Variants in GREM2 observed in about 807,000 individuals in gnomAD.
GREM2 encodes the protein gremlin 2, DAN family BMP antagonist, also known as gremlin-2.
A neutral mutation model predicts 14.2 loss-of-function variants in GREM2; 11 were observed. That is an observed-to-expected ratio of 0.78 (90% CI 0.49 to 1.28). GREM2 has a LOEUF of 1.28. Ranked by LOEUF, GREM2 falls within the 50% of genes most tolerant of loss-of-function variation. GREM2 has a pLI of 0.00. For synonymous variants in GREM2, 98 were observed against 97.6 expected, an observed-to-expected ratio of 1.00 and a Z score of -0.02; for missense variants, 210 against 218.5, an observed-to-expected ratio of 0.96 and a Z score of 0.24.
intron 1 of GREM2, among the ~76,000 whole-genome samples, chr1:240,523,649 T>C (rs1356747913): frequency 6.6e-6 from 1 of 152,158 alleles, no homozygotes; most frequent in Non-Finnish European, 1.5e-5. Flanking sequence ...TTTAGTTTTT[T>C]TGTTTTGTTT....
chr1:240,531,067 C>A (rs1678348379), intron 1 of GREM2, among the ~76,000 whole-genome samples: 1 of 152,108 alleles, frequency 6.6e-6, no homozygotes, highest in Admixed American at 6.6e-5. Flanking sequence ...CAGATTTGGT[C>A]ACAAATAATT....
chr1:240,554,052 T>G (rs965028955), intron 1 of GREM2, among the ~76,000 whole-genome samples: 2 of 152,146 alleles, frequency 1.3e-5, no homozygotes, highest in African/African-American at 4.8e-5. Context: ...CTACCTGCAT[T>G]AGGGTATTGC....
intron 1 of GREM2, among the ~76,000 whole-genome samples, chr1:240,561,693 T>TACACACACACAC (rs541661990): frequency 0.01 from 1,511 of 145,708 alleles, 24 homozygotes; most frequent in African/African-American, 0.025. Flanking sequence ...TAATCCTGCA[T>TACACACACACAC]ACACACACAC....
chr1:240,578,391 G>A lies in GREM2; in HGVS notation c.-2+33493C>T, dbSNP rs1425493938. ...TCTGCCCACTGTGGCCTCCCAAAAT[G>A]CTGGGATTACAGGTGTGAGCCACTG... On this transcript the variant is annotated intron_variant, in intron 1 of 1. Coordinates refer to ENST00000318160, the MANE Select transcript of GREM2 (RefSeq NM_022469.4). Among the ~76,000 whole-genome samples, 5 of 151,728 alleles carry A rather than the reference G, an allele frequency of 3.3e-5. No homozygotes were observed. The South Asian group carries it at 1.1e-3, about 32-fold the overall frequency.
At chr1:240,522,440 A>G (rs935716214) in intron 1 of GREM2, among the ~76,000 whole-genome samples, 53 of 152,290 alleles carry the variant, frequency 3.5e-4, no homozygotes, top group African/African-American at 1.2e-3. Context: ...ATACAATTTT[A>G]CCACCAACAT....
chr1:240,589,692 T>G (rs1422005164), intron 1 of GREM2, among the ~76,000 whole-genome samples: 2 of 152,062 alleles, frequency 1.3e-5, no homozygotes, highest in Admixed American at 6.5e-5. Context: ...AACTGATCAT[T>G]GCCACCTAGC....
chr1:240,563,264 T>A (rs1679111083), intron 1 of GREM2, among the ~76,000 whole-genome samples: 1 of 151,972 alleles, frequency 6.6e-6, no homozygotes, highest in Non-Finnish European at 1.5e-5. Context: ...CATATTTGTT[T>A]TTAATTTAGT....
intron 1 of GREM2, among the ~76,000 whole-genome samples, chr1:240,507,999 C>T (rs769365315): frequency 1.4e-4 from 21 of 152,196 alleles, no homozygotes; most frequent in Non-Finnish European, 2.5e-4. Context: ...ACCCAAGATA[C>T]ATCATCCTGA....
chr1:240,569,667 T>C (rs924035200), intron 1 of GREM2, among the ~76,000 whole-genome samples: 1 of 152,194 alleles, frequency 6.6e-6, no homozygotes, highest in Non-Finnish European at 1.5e-5. Context: ...ATATGAACTT[T>C]GATCCATACC....
intron 1 of GREM2, among the ~76,000 whole-genome samples, chr1:240,571,537 T>C (rs1679261293): frequency 6.6e-6 from 1 of 151,836 alleles, no homozygotes; most frequent in African/African-American, 2.4e-5. Flanking sequence ...CTATTAAAAA[T>C]ACAGAAAAAT....
intron 1 of GREM2, among the ~76,000 whole-genome samples, chr1:240,573,487 T>A (rs191585488): frequency 5.3e-5 from 8 of 152,330 alleles, no homozygotes; most frequent in Admixed American, 2.0e-4. Flanking sequence ...GGCATTAATT[T>A]TGATGTTTTA....
chr1:240,498,713 T>C (rs1396262373), intron 1 of GREM2, among the ~76,000 whole-genome samples: 1 of 152,226 alleles, frequency 6.6e-6, no homozygotes, highest in African/African-American at 2.4e-5. Context: ...ATCAGAAAAA[T>C]GGTTGGCACA....
chr1:240,597,275 C>T (rs530702469), intron 1 of GREM2, among the ~76,000 whole-genome samples: 24 of 152,348 alleles, frequency 1.6e-4, no homozygotes, highest in Admixed American at 4.6e-4. Context: ...GAGCTACAAG[C>T]AAGCAAATCA....
Position 240,523,195 on chromosome 1 carries a change from C to G in GREM2, c.-1-29719G>C, listed in dbSNP as rs537086381. Among the ~76,000 whole-genome samples, 290 of 152,294 alleles carry G rather than the reference C, an allele frequency of 1.9e-3. 5 individuals are homozygous for G. The highest frequency in any genetic ancestry group is 8.5e-4 in the Non-Finnish European group (58 of 68,026). ...GCAACCTCTGCCTCCCATATTCAAGCAATTCTCCCGCCTCAGCCTCCCGAG... is the reference window on the plus strand; with the variant it reads ...GCAACCTCTGCCTCCCATATTCAAGGAATTCTCCCGCCTCAGCCTCCCGAG... On this transcript the variant is annotated intron_variant, in intron 1 of 1. Transcript: ENST00000318160.
chr1:240,611,045 AT>A (rs544211486), intron 1 of GREM2, among the ~76,000 whole-genome samples: 41 of 148,444 alleles, frequency 2.8e-4, no homozygotes, highest in Admixed American at 2.3e-3. Context: ...CAGGAAATAG[AT>A]TTTTTTAACA....
chr1:240,604,309 A>ATGTGTG (rs61016634), intron 1 of GREM2, among the ~76,000 whole-genome samples: 20,528 of 116,494 alleles, frequency 0.18, 1,784 homozygotes, highest in East Asian at 0.46. Context: ...AACTATACGT[A>ATGTGTG]TGTGTGTGTG....
At chr1:240,522,509 A>AT (rs1678124381) in intron 1 of GREM2, among the ~76,000 whole-genome samples, 1 of 152,204 alleles carries the variant, frequency 6.6e-6, no homozygotes, top group Non-Finnish European at 1.5e-5. Flanking sequence ...GATTTATAAA[A>AT]TGATTCCAGA....
At chr1:240,555,082 T>C (rs111822234) in intron 1 of GREM2, among the ~76,000 whole-genome samples, 5,171 of 151,914 alleles carry the variant, frequency 0.034, 116 homozygotes, top group Middle Eastern at 0.078. Flanking sequence ...GAGGCATGGG[T>C]TGCAGTGAGC....
intron 1 of GREM2, among the ~76,000 whole-genome samples, chr1:240,532,636 TATATATAGATAGATAGATAGATAG>T (rs1264601890): frequency 1.2e-5 from 1 of 80,998 alleles, no homozygotes. Context: ...ATATAAGAGA[TATATATAGATAGATAGATAGATAG>T]ATAGATAGAT....
Sources: allele counts gnomAD v4.1 joint callset (sites outside exome capture counted in the v4.1 genomes callset), GRCh38; gene constraint gnomAD v4.1.1; transcripts MANE v1.5; gene names NCBI Gene and HGNC (gene_info 2026-07-23, HGNC 2026-07-21).